Variants in LOXHD1 observed in about 807,000 individuals in gnomAD.
LOXHD1 encodes the protein lipoxygenase homology domain-containing protein 1.
Under a neutral mutation model 248.2 loss-of-function variants are expected in LOXHD1, and 205 were observed. The observed-to-expected ratio is 0.83, with a 90% confidence interval of 0.74 to 0.93. The LOEUF is 0.93. LOXHD1 is among the 40% of genes least tolerant of loss of function. The probability of loss-of-function intolerance (pLI) is 0.00; values close to 1 mark genes in which losing one functional copy is unlikely to be tolerated. For synonymous variants in LOXHD1, 1,113 were observed against 1,162.8 expected, an observed-to-expected ratio of 0.96 and a Z score of 0.87; for missense variants, 2,930 against 2,971.6, an observed-to-expected ratio of 0.99 and a Z score of 0.33.
intron 32 of LOXHD1, 76 bp downstream of exon 32, chr18:46,522,025 C>T: frequency 1.0e-6 from 1 of 1,000,306 alleles, no homozygotes; most frequent in Non-Finnish European, 1.4e-6. Flanking sequence ...CCTGCACTCT[C>T]CCGCCCACCC....
At chr18:46,555,332 T>C in intron 21 of LOXHD1, 1 of 378,512 alleles carries the variant, frequency 2.6e-6, no homozygotes, top group South Asian at 2.0e-5. Flanking sequence ...ACCTGATGAG[T>C]TTCTGGCAGA....
chr18:46,489,225 G>T, intron 37 of LOXHD1, 83 bp from the exon 38 acceptor site: 1 of 1,417,440 alleles, frequency 7.1e-7, no homozygotes, highest in Non-Finnish European at 9.7e-7. Flanking sequence ...CAACCCATTG[G>T]CTGTGTGGCC....
chr18:46,504,601 T>C (rs2034444630), intron 37 of LOXHD1, among the ~76,000 whole-genome samples: 1 of 152,238 alleles, frequency 6.6e-6, no homozygotes, highest in Non-Finnish European at 1.5e-5. Context: ...TAGTCTGAGT[T>C]TATTCTGTGT....
At position 46,610,761 on chromosome 18, in the gene LOXHD1, A is replaced by G; in HGVS notation, c.759+15T>C. On this transcript the variant is annotated intron_variant, in intron 6 of 40. Transcript: ENST00000642948. ...TCCAAGGCCACAGGGACTGCAGAGA[A>G]GCAGCTGAACTCACCTGGGACAGGA... is the stretch of plus-strand genomic sequence containing the variant. The G allele has an allele frequency of 6.5e-7, 1 of 1,544,674 alleles. No individual in the cohort carries two copies. Among genetic ancestry groups the G allele is most frequent in the Non-Finnish European group, 8.7e-7 (1 of 1,142,896 alleles).
At chr18:46,575,056 T>G (rs2037828894) in intron 14 of LOXHD1, among the ~76,000 whole-genome samples, 1 of 152,200 alleles carries the variant, frequency 6.6e-6, no homozygotes, top group African/African-American at 2.4e-5. Context: ...ATGCTCTTAT[T>G]CTCTGAATTC....
intron 4 of LOXHD1, among the ~76,000 whole-genome samples, chr18:46,639,277 A>C (rs901187981): frequency 3.3e-5 from 5 of 152,204 alleles, no homozygotes; most frequent in Admixed American, 3.3e-4. Context: ...AAAATGGGGA[A>C]GGCTGCCTTG....
intron 31 of LOXHD1, 47 bp from the exon 32 acceptor site, chr18:46,522,356 A>C (rs1246017722): frequency 6.8e-7 from 1 of 1,467,504 alleles, no homozygotes; most frequent in African/African-American, 1.4e-5. Context: ...CAGATAGACA[A>C]GGCACTGCCT....
Position 46,649,168 on chromosome 18 carries a change from GGAGCTTGGGAGA to G in LOXHD1, c.220_231del (p.Ser74_Leu77del). On this transcript the variant is annotated inframe_deletion, in exon 2 of 41. Coordinates refer to ENST00000642948, the MANE Select transcript of LOXHD1 (RefSeq NM_001384474.1). ...GTGGGTACTCACTTGCTGGTGAGCT[GGAGCTTGGGAGA>G]GAGCCCATTCTCTCCAAAAAGCGTG... is the stretch of plus-strand genomic sequence containing the variant. The G allele has an allele frequency of 6.4e-7, 1 of 1,551,678 alleles. No homozygotes were observed. The highest frequency in any genetic ancestry group is 8.7e-7 in the Non-Finnish European group (1 of 1,146,948).
At position 46,509,826 on chromosome 18, in the gene LOXHD1, AGAG is replaced by A. The variant is rs1257799416; in HGVS notation, c.5400-14_5400-12del. 1 of 1,191,824 alleles carries A rather than the reference AGAG, an allele frequency of 8.4e-7. No individual in the cohort carries two copies. Among genetic ancestry groups the A allele is most frequent in the South Asian group, 1.3e-5 (1 of 78,020 alleles). 73.8% of individuals were successfully genotyped at this position (1,191,824 alleles called of 1,614,324 possible). ...TGCTCCCGCTCAAACCTGGGGGTGG[AGAG>A]GAGGGGCATGAAGAAGGGAAGCTGG... On this transcript the variant is annotated splice_polypyrimidine_tract_variant and intron_variant, in intron 34 of 40. Transcript: ENST00000642948.
intron 14 of LOXHD1, among the ~76,000 whole-genome samples, chr18:46,575,944 G>A (rs1721490162): frequency 6.6e-6 from 1 of 152,102 alleles, no homozygotes; most frequent in South Asian, 2.1e-4. Context: ...TGCCTGTCTT[G>A]CTGGACTCCA....
At chr18:46,651,809 C>A (rs2039115427) in intron 1 of LOXHD1, among the ~76,000 whole-genome samples, 1 of 152,004 alleles carries the variant, frequency 6.6e-6, no homozygotes, top group South Asian at 2.1e-4. Flanking sequence ...AAGGAGGGAA[C>A]CACACTATTT....
chr18:46,620,241 A>AT (rs2038649176), intron 4 of LOXHD1, among the ~76,000 whole-genome samples: 1 of 152,116 alleles, frequency 6.6e-6, no homozygotes, highest in Non-Finnish European at 1.5e-5. Context: ...GAGAACATTC[A>AT]TTTTGGCTCA....
intron 7 of LOXHD1, 68 bp downstream of exon 7, chr18:46,604,038 G>T: frequency 8.4e-6 from 13 of 1,540,568 alleles, no homozygotes; most frequent in Non-Finnish European, 1.1e-5. Context: ...CAGCCCCACA[G>T]ATGCCAACAG....
chr18:46,487,107 C>G (rs2033112714), intron 38 of LOXHD1, among the ~76,000 whole-genome samples: 1 of 152,152 alleles, frequency 6.6e-6, no homozygotes, highest in South Asian at 2.1e-4. Context: ...CCAGCACACC[C>G]AAGGACAAGC....
chr18:46,574,511 T>C (rs993326945), intron 14 of LOXHD1, among the ~76,000 whole-genome samples: 4 of 151,516 alleles, frequency 2.6e-5, no homozygotes, highest in Admixed American at 2.6e-4. Flanking sequence ...AAAGAAGCAG[T>C]GTGCATGCTC....
chr18:46,524,403 G>T, intron 31 of LOXHD1, 63 bp downstream of exon 31: 1 of 1,523,214 alleles, frequency 6.6e-7, no homozygotes, highest in South Asian at 1.2e-5. Flanking sequence ...GCTCATCCAA[G>T]AATTGCTTTA....
intron 37 of LOXHD1, among the ~76,000 whole-genome samples, chr18:46,501,023 G>T (rs2034193344): frequency 6.6e-6 from 1 of 152,052 alleles, no homozygotes; most frequent in East Asian, 1.9e-4. Context: ...TGTAGTTTTT[G>T]CTAGAAGGGC....
chr18:46,534,701 A>AC (rs1237626759), intron 26 of LOXHD1, among the ~76,000 whole-genome samples: 1 of 149,798 alleles, frequency 6.7e-6, no homozygotes, highest in Non-Finnish European at 1.5e-5. Context: ...TGGGAGGGGG[A>AC]CCCCTCTTCA....
intron 4 of LOXHD1, among the ~76,000 whole-genome samples, chr18:46,629,080 A>T (rs1356184243): frequency 6.6e-6 from 1 of 152,122 alleles, no homozygotes; most frequent in African/African-American, 2.4e-5. Context: ...CCCATGGAGG[A>T]GGGCTGGCCC....
Sources: gnomAD v4.1 joint callset for allele counts (sites outside exome capture counted in the v4.1 genomes callset) on GRCh38, gnomAD v4.1.1 for gene constraint, MANE v1.5 for transcripts, NCBI Gene and HGNC (gene_info 2026-07-23, HGNC 2026-07-21) for gene names.